The following EDIL3 variants were observed in gnomAD, a reference collection of about 807,000 sequenced individuals.
The protein encoded by EDIL3 is EGF-like repeat and discoidin I-like domain-containing protein 3.
EDIL3 carries 37 observed loss-of-function variants against 67.4 expected under a neutral mutation model. The ratio of observed to expected loss-of-function variants is 0.55; its 90% CI spans 0.42 to 0.72. EDIL3 has a LOEUF of 0.72. EDIL3 is among the 30% of genes least tolerant of loss of function. The pLI is 0.00. For missense variants in EDIL3, 527 were observed against 586.3 expected, an observed-to-expected ratio of 0.90 and a Z score of 1.04; for synonymous variants, 195 against 196.3, an observed-to-expected ratio of 0.99 and a Z score of 0.05.
intron 5 of EDIL3, among the ~76,000 whole-genome samples, chr5:84,119,313 T>A (rs1411111859): frequency 7.1e-6 from 1 of 141,808 alleles, no homozygotes; most frequent in Non-Finnish European, 1.5e-5. Context: ...AAAACGTGAA[T>A]ACATACATAA....
At chr5:84,328,793 A>G (rs1746816480) in intron 1 of EDIL3, among the ~76,000 whole-genome samples, 1 of 152,072 alleles carries the variant, frequency 6.6e-6, no homozygotes, top group Non-Finnish European at 1.5e-5. Flanking sequence ...ATTATCTCTC[A>G]CTGCATCTGT....
intron 1 of EDIL3, among the ~76,000 whole-genome samples, chr5:84,276,081 C>G (rs976045469): frequency 1.3e-5 from 2 of 152,128 alleles, no homozygotes; most frequent in Non-Finnish European, 2.9e-5. Context: ...CAAAGCCACC[C>G]TGGAGTCATC....
chr5:84,255,021 CAT>C (rs1174688741), intron 1 of EDIL3, among the ~76,000 whole-genome samples: 2 of 152,212 alleles, frequency 1.3e-5, no homozygotes, highest in Non-Finnish European at 2.9e-5. Flanking sequence ...ATGAACTTTT[CAT>C]ATGAGTAAGG....
chr5:84,310,465 T>C (rs549002908), intron 1 of EDIL3, among the ~76,000 whole-genome samples: 1 of 152,326 alleles, frequency 6.6e-6, no homozygotes, highest in Admixed American at 6.5e-5. Flanking sequence ...TTAAGTCATT[T>C]AAATAATTCA....
chr5:83,948,793 A>G (rs1744358245), intron 10 of EDIL3, among the ~76,000 whole-genome samples: 1 of 151,856 alleles, frequency 6.6e-6, no homozygotes, highest in Admixed American at 6.6e-5. Flanking sequence ...GACTGCAGCT[A>G]TCATTCTGTG....
intron 6 of EDIL3, among the ~76,000 whole-genome samples, chr5:84,095,589 T>G (rs1482239661): frequency 6.6e-6 from 1 of 152,146 alleles, no homozygotes; most frequent in Non-Finnish European, 1.5e-5. Context: ...GAGAGATGAT[T>G]TAGGGTATCT....
intron 1 of EDIL3, among the ~76,000 whole-genome samples, chr5:84,303,200 C>T (rs1022579302): frequency 2.0e-5 from 3 of 152,182 alleles, no homozygotes; most frequent in African/African-American, 4.8e-5. Context: ...CCCTCCACTC[C>T]GACTTCTCTT....
chr5:84,283,634 T>A (rs1248519137), intron 1 of EDIL3, among the ~76,000 whole-genome samples: 1 of 152,184 alleles, frequency 6.6e-6, no homozygotes, highest in Admixed American at 6.6e-5. Context: ...CGACTACTTA[T>A]AATTCACAAA....
intron 10 of EDIL3, among the ~76,000 whole-genome samples, chr5:83,961,678 A>G (rs1174390021): frequency 1.3e-5 from 2 of 151,252 alleles, no homozygotes; most frequent in African/African-American, 4.8e-5. Flanking sequence ...GTTTAAAAAA[A>G]TTCATCTTAT....
intron 9 of EDIL3, among the ~76,000 whole-genome samples, chr5:84,045,549 A>G (rs1321044134): frequency 2.6e-5 from 4 of 152,196 alleles, no homozygotes; most frequent in Non-Finnish European, 5.9e-5. Flanking sequence ...TAAAATATAA[A>G]CTAATTCCAG....
chr5:84,137,028 T>C (rs1748103635), intron 5 of EDIL3, among the ~76,000 whole-genome samples: 1 of 152,170 alleles, frequency 6.6e-6, no homozygotes, highest in African/African-American at 2.4e-5. Flanking sequence ...AGAGAATATG[T>C]GTGCATTAAT....
chr5:84,064,951 T>A, intron 7 of EDIL3, 107 bp from the exon 8 acceptor site: 1 of 1,357,466 alleles, frequency 7.4e-7, no homozygotes, highest in Non-Finnish European at 9.7e-7. Flanking sequence ...AAGAACAGAT[T>A]ACATTATTTG....
chr5:84,331,338 G>A (rs573939956), intron 1 of EDIL3, among the ~76,000 whole-genome samples: 134 of 152,248 alleles, frequency 8.8e-4, no homozygotes, highest in African/African-American at 3.2e-3. Context: ...GTTTGGCTGT[G>A]TTCCACCCGA....
intron 2 of EDIL3, among the ~76,000 whole-genome samples, chr5:84,248,809 A>G (rs748607984): frequency 6.6e-6 from 1 of 152,092 alleles, no homozygotes; most frequent in Non-Finnish European, 1.5e-5. Context: ...ATAATTGTCT[A>G]TGGTATCATC....
intron 6 of EDIL3, among the ~76,000 whole-genome samples, chr5:84,103,519 G>GA (rs200008476): frequency 2.3e-3 from 340 of 150,250 alleles, no homozygotes; most frequent in African/African-American, 7.6e-3. Context: ...AAATTTTCAA[G>GA]AAAAAAAACA....
chr5:84,282,793 G>A (rs921762301), intron 1 of EDIL3, among the ~76,000 whole-genome samples: 2 of 152,030 alleles, frequency 1.3e-5, no homozygotes, highest in African/African-American at 4.8e-5. Context: ...TCAATGCATT[G>A]TTTTAGCTTG....
At chr5:84,140,099 C>A (rs1255608385) in intron 4 of EDIL3, among the ~76,000 whole-genome samples, 1 of 152,066 alleles carries the variant, frequency 6.6e-6, no homozygotes, top group African/African-American at 2.4e-5. Context: ...TTCCTTCACC[C>A]TTCTACTTTA....
intron 9 of EDIL3, among the ~76,000 whole-genome samples, chr5:84,027,580 A>G (rs895072689): frequency 2.2e-5 from 1 of 45,162 alleles, no homozygotes; most frequent in East Asian, 5.3e-4. Context: ...TATTTTATTA[A>G]GTGTAAAATT....
chr5:84,285,439 T>C (rs1561245471), intron 1 of EDIL3, among the ~76,000 whole-genome samples: 1 of 152,182 alleles, frequency 6.6e-6, no homozygotes, highest in East Asian at 1.9e-4. Flanking sequence ...CATTACTAGT[T>C]AGAAAGCAGG....
Sources: allele counts gnomAD v4.1 joint callset (sites outside exome capture counted in the v4.1 genomes callset), GRCh38; gene constraint gnomAD v4.1.1; transcripts MANE v1.5; gene names NCBI Gene and HGNC (gene_info 2026-07-23, HGNC 2026-07-21).